PID1: variants seen among roughly 807,000 people sequenced by gnomAD.
PID1 encodes the protein PTB-containing, cubilin and LRP1-interacting protein.
Under a neutral mutation model 19.1 loss-of-function variants are expected in PID1, and 10 were observed. The observed-to-expected ratio is 0.52, with a 90% CI of 0.32 to 0.89. PID1 has a LOEUF of 0.89. Among genes scored for constraint, PID1 ranks in the 40% least tolerant of loss-of-function variants. PID1 has a pLI of 0.03. For synonymous variants in PID1, 130 were observed against 116.0 expected, an observed-to-expected ratio of 1.12 and a Z score of -0.78; for missense variants, 248 against 285.3, an observed-to-expected ratio of 0.87 and a Z score of 0.94.
intron 2 of PID1, among the ~76,000 whole-genome samples, chr2:229,047,888 C>T (rs1372905574): frequency 6.6e-6 from 1 of 152,202 alleles, no homozygotes; most frequent in African/African-American, 2.4e-5. Flanking sequence ...CTTTAAGAAG[C>T]TGTTCTACAT....
chr2:229,030,553 T>G (rs1380737384), intron 2 of PID1, among the ~76,000 whole-genome samples: 1 of 151,598 alleles, frequency 6.6e-6, no homozygotes, highest in Non-Finnish European at 1.5e-5. Flanking sequence ...TTATGTTTGG[T>G]AGAAAAAATC....
At chr2:229,259,059 T>A (rs2106290071) in intron 1 of PID1, among the ~76,000 whole-genome samples, 1 of 146,700 alleles carries the variant, frequency 6.8e-6, no homozygotes, top group Non-Finnish European at 1.5e-5. Flanking sequence ...AGGTCGTAGT[T>A]TTTTTTTTTT....
intron 2 of PID1, among the ~76,000 whole-genome samples, chr2:229,099,278 A>G (rs544151474): frequency 2.4e-4 from 36 of 152,350 alleles, no homozygotes; most frequent in South Asian, 6.2e-4. Flanking sequence ...TGAGGAAAGT[A>G]AAAATAATAC....
At chr2:229,134,931 T>A (rs6436846) in intron 2 of PID1, among the ~76,000 whole-genome samples, 120,556 of 151,906 alleles carry the variant, frequency 0.79, 47,983 homozygotes, top group East Asian at 1. Flanking sequence ...AGAAATTTTA[T>A]GTACTAACCT....
chr2:229,189,818 G>A (rs1271756772), intron 1 of PID1, among the ~76,000 whole-genome samples: 1 of 152,198 alleles, frequency 6.6e-6, no homozygotes, highest in African/African-American at 2.4e-5. Context: ...GCTTACCAGT[G>A]TTTCCCAAAA....
intron 2 of PID1, among the ~76,000 whole-genome samples, chr2:229,125,687 TGAG>T (rs1237202481): frequency 6.6e-6 from 1 of 152,176 alleles, no homozygotes; most frequent in Non-Finnish European, 1.5e-5. Flanking sequence ...AAATAAAAGA[TGAG>T]GATACACGGT....
intron 2 of PID1, among the ~76,000 whole-genome samples, chr2:229,109,426 T>C (rs1213818325): frequency 6.6e-6 from 1 of 152,150 alleles, no homozygotes; most frequent in African/African-American, 2.4e-5. Context: ...AGTCGGCATG[T>C]TAATTCATTG....
chr2:229,205,611 C>T (rs1691593691), intron 1 of PID1, among the ~76,000 whole-genome samples: 3 of 152,060 alleles, frequency 2.0e-5, no homozygotes, highest in African/African-American at 4.8e-5. Flanking sequence ...TATTCTTTCT[C>T]CATATTATGT....
At chr2:229,263,017 T>A in intron 1 of PID1, 2 of 911,634 alleles carry the variant, frequency 2.2e-6, no homozygotes, top group Non-Finnish European at 3.0e-6. Context: ...TACCAGGGGT[T>A]AAGACTTCAA....
chr2:229,126,637 A>C (rs1695628415), intron 2 of PID1, among the ~76,000 whole-genome samples: 1 of 152,226 alleles, frequency 6.6e-6, no homozygotes, highest in Non-Finnish European at 1.5e-5. Context: ...TGATTCTTAA[A>C]CATGATTCAG....
intron 1 of PID1, among the ~76,000 whole-genome samples, chr2:229,168,321 C>A (rs766078907): frequency 2.0e-5 from 3 of 152,038 alleles, no homozygotes; most frequent in Non-Finnish European, 4.4e-5. Flanking sequence ...TTATAGTATC[C>A]CACAAATCTT....
At chr2:229,131,140 G>T (rs904935031) in intron 2 of PID1, among the ~76,000 whole-genome samples, 11 of 152,270 alleles carry the variant, frequency 7.2e-5, no homozygotes, top group African/African-American at 2.4e-4. Flanking sequence ...TCAATTCTGA[G>T]GGGTCACGAT....
At chr2:229,055,930 G>A (rs1694088970) in intron 2 of PID1, among the ~76,000 whole-genome samples, 1 of 152,230 alleles carries the variant, frequency 6.6e-6, no homozygotes, top group Non-Finnish European at 1.5e-5. Context: ...TTAAGGCTGA[G>A]AGGATGAATT....
chr2:229,247,394 T>G (rs1690030896), intron 1 of PID1, among the ~76,000 whole-genome samples: 1 of 152,132 alleles, frequency 6.6e-6, no homozygotes. Context: ...CCTGCCAGAT[T>G]ACAGGAAGAA....
At chr2:229,180,741 T>C (rs1690922372) in intron 1 of PID1, among the ~76,000 whole-genome samples, 1 of 152,224 alleles carries the variant, frequency 6.6e-6, no homozygotes, top group Admixed American at 6.5e-5. Flanking sequence ...ACACTCAGGA[T>C]TGGCGTCTTC....
At chr2:229,188,965 C>T (rs1030321452) in intron 1 of PID1, among the ~76,000 whole-genome samples, 5 of 152,162 alleles carry the variant, frequency 3.3e-5, no homozygotes, top group East Asian at 1.9e-4. Context: ...TTACTGGTAA[C>T]GGCTCCTTAA....
chr2:229,163,251 GT>G (rs1489336311), intron 1 of PID1, among the ~76,000 whole-genome samples: 1 of 152,068 alleles, frequency 6.6e-6, no homozygotes, highest in Non-Finnish European at 1.5e-5. Flanking sequence ...TTCTTATGAA[GT>G]TTATGTCAAT....
intron 1 of PID1, among the ~76,000 whole-genome samples, chr2:229,217,356 T>C (rs1449232371): frequency 1.3e-5 from 2 of 152,232 alleles, no homozygotes; most frequent in Non-Finnish European, 2.9e-5. Flanking sequence ...TAATTAATGA[T>C]AGTGCCTTTC....
intron 2 of PID1, among the ~76,000 whole-genome samples, chr2:229,099,239 T>A (rs1004063796): frequency 6.6e-6 from 1 of 152,206 alleles, no homozygotes. Flanking sequence ...TAGAAAAATT[T>A]AATTTTAATT....
Sources: allele counts gnomAD v4.1 joint callset (sites outside exome capture counted in the v4.1 genomes callset), GRCh38; gene constraint gnomAD v4.1.1; transcripts MANE v1.5; gene names NCBI Gene and HGNC (gene_info 2026-07-23, HGNC 2026-07-21).